The following RBM28 variants were observed in gnomAD, a reference collection of about 807,000 sequenced individuals.
RBM28 encodes the protein RNA binding motif protein 28.
In RBM28, 78 loss-of-function variants were observed where a neutral mutation model predicts 98.3. The ratio of observed to expected loss-of-function variants is 0.79; its 90% CI spans 0.66 to 0.96. The LOEUF (loss-of-function observed/expected upper bound fraction) is 0.96. RBM28 is among the 40% of genes least tolerant of loss of function. The probability of loss-of-function intolerance (pLI) is 0.00; values close to 1 mark genes in which losing one functional copy is unlikely to be tolerated. For missense variants in RBM28, 838 were observed against 913.0 expected (o/e 0.92, Z 1.06); for synonymous variants, 306 against 330.9 (o/e 0.92, Z 0.82).
chr7:128,330,004 T>C (rs1201460518), intron 10 of RBM28, among the ~76,000 whole-genome samples: 1 of 150,366 alleles, frequency 6.7e-6, no homozygotes, highest in African/African-American at 2.4e-5. Context: ...AACAGTATAC[T>C]AGAACGAAGA....
chr7:128,338,689 C>A, intron 4 of RBM28, 37 bp downstream of exon 4: 2 of 1,400,966 alleles, frequency 1.4e-6, no homozygotes, highest in Non-Finnish European at 2.0e-6. Flanking sequence ...AATATGTTAA[C>A]TAACGTAATC....
chr7:128,339,422 A>G, intron 2 of RBM28, 101 bp from the exon 3 acceptor site: 1 of 1,198,268 alleles, frequency 8.3e-7, no homozygotes, highest in South Asian at 1.3e-5. Flanking sequence ...GGCATTTACC[A>G]CAGGGTTAAG....
chr7:128,332,451 T>G (rs1392523043), intron 9 of RBM28, among the ~76,000 whole-genome samples: 1 of 152,064 alleles, frequency 6.6e-6, no homozygotes, highest in Non-Finnish European at 1.5e-5. Context: ...CCTCTGCGTT[T>G]TAAGTGATTC....
chr7:128,329,554 G>A (rs1359763855), intron 10 of RBM28, among the ~76,000 whole-genome samples: 1 of 152,130 alleles, frequency 6.6e-6, no homozygotes, highest in African/African-American at 2.4e-5. Flanking sequence ...CTAAGGAGAG[G>A]ATTCACAGCT....
rs1796076765 is a variant in RBM28 at position 128,314,999 on chromosome 7, C to G, written c.1810G>C (p.Ala604Pro). The G allele has an allele frequency of 2.5e-6, 4 of 1,614,106 alleles. No homozygotes were observed. In the Admixed American group the frequency reaches 6.7e-5, roughly 27 times the overall value. Reference protein sequence around the residue: ...RSLQKMRSKPATGEPQKGQPE... With the variant: ...RSLQKMRSKPPTGEPQKGQPE... ...TGCCCCTTCTGAGGCTCACCAGTTG[C>G]AGGCTTGGATCTCATTTTTTGCTGC... The change falls in exon 17 of 19, where the codon GCA becomes CCA. Residue 604 changes from alanine (A) to proline (P), a missense_variant. By Grantham distance (27) the Ala-to-Pro change is conservative. Coordinates refer to ENST00000223073, the MANE Select transcript of RBM28 (RefSeq NM_018077.3).
At chr7:128,338,908 T>C (rs1390998344) in intron 3 of RBM28, 107 bp from the exon 4 acceptor site, 1 of 892,650 alleles carries the variant, frequency 1.1e-6, no homozygotes, top group African/African-American at 1.7e-5. Context: ...ATGTTTACTT[T>C]TTTTTATTTT....
At chr7:128,316,143 G>C (rs540412330) in intron 16 of RBM28, among the ~76,000 whole-genome samples, 4 of 152,256 alleles carry the variant, frequency 2.6e-5, no homozygotes, top group Middle Eastern at 3.4e-3. Flanking sequence ...TCTGTTTCCA[G>C]GATACAAAAA....
chr7:128,336,184 GAAAGTAT>G lies in RBM28; in HGVS notation c.614-149_614-143del, dbSNP rs975564902. Reference sequence around the variant, plus strand: ...ATTTTTCTTACTGCATATAACAGGAGAAAGTATAAAGAAAAGAAAAAGCAAAAACAGA... The same window carrying G: ...ATTTTTCTTACTGCATATAACAGGAGAAAGAAAAGAAAAAGCAAAAACAGA... On this transcript the variant is annotated intron_variant, in intron 6 of 18. Transcript: ENST00000223073. 6.6e-5 allele frequency: 51 copies of G among 777,972 alleles called. No homozygotes were observed. In the Middle Eastern group the frequency reaches 7.6e-4, roughly 12 times the overall value. The allele number at this position is 777,972 out of a possible 1,614,324, so 48.2% of individuals were successfully genotyped here.
chr7:128,337,149 G>C lies in RBM28; in HGVS notation c.595C>G (p.Gln199Glu). The C allele has an allele frequency of 6.2e-7, 1 of 1,614,086 alleles. No homozygotes were observed. The highest frequency in any genetic ancestry group is 8.5e-7 in the Non-Finnish European group (1 of 1,179,980). Reference protein sequence around the residue: ...AVAKDKYKDTQSVSAIGEEKS... With the variant: ...AVAKDKYKDTESVSAIGEEKS... ...ATCTTACCTATAGCAGAAACAGACT[G>C]TGTATCTTTATATTTATCCTTTGCC... The change falls in exon 6 of 19, where the codon CAG becomes GAG. Residue 199 changes from glutamine (Q) to glutamate (E), a missense_variant. Physicochemically the swap from Gln to Glu is conservative, Grantham distance 29. Transcript: ENST00000223073.
At chr7:128,329,888 CAAAAA>C (rs398006204) in intron 10 of RBM28, among the ~76,000 whole-genome samples, 2 of 101,618 alleles carry the variant, frequency 2.0e-5, no homozygotes, top group African/African-American at 4.2e-5. Context: ...GACTCCGTCT[CAAAAA>C]AAAAAAAAAA....
intron 5 of RBM28, among the ~76,000 whole-genome samples, chr7:128,337,955 C>A (rs1796638158): frequency 6.6e-6 from 1 of 152,044 alleles, no homozygotes; most frequent in Non-Finnish European, 1.5e-5. Context: ...AGTGATATAA[C>A]CAAGGAGGAA....
Position 128,325,867 on chromosome 7 carries a change from G to C in RBM28, c.1154C>G (p.Thr385Ser). Residue 385 changes from threonine to serine, a missense_variant, in exon 11 of 19, where the codon ACT becomes AGT. By Grantham distance (58) the Thr-to-Ser change is moderately conservative (BLOSUM62 1). Coordinates refer to ENST00000223073, the MANE Select transcript of RBM28 (RefSeq NM_018077.3). The stretch of plus-strand genomic sequence containing the variant: ...AAGGCATTTCTGAGCTGCTTCTTGA[G>C]TCATGAACTGGGCAAATGCACAACC... ...SKGCAFAQFM[T>S]QEAAQKCLLA... 6.2e-7 allele frequency: 1 copy of C among 1,613,706 alleles called. No homozygotes were observed. The highest frequency in any genetic ancestry group is 8.5e-7 in the Non-Finnish European group (1 of 1,179,904).
rs570050666 is a variant in RBM28, at chr7:128,337,661, G to C, written c.542-459C>G. On this transcript the variant is annotated intron_variant, in intron 5 of 18. Coordinates refer to ENST00000223073, the MANE Select transcript of RBM28 (RefSeq NM_018077.3). ...GCAACCTCCGCCTCCAGGTTCAAGCGATTCTCCTGCCTCAGCCTCTTGAGT... is the reference window on the plus strand; with the variant it reads ...GCAACCTCCGCCTCCAGGTTCAAGCCATTCTCCTGCCTCAGCCTCTTGAGT... 2.4e-4 allele frequency among the ~76,000 whole-genome samples: 36 copies of C among 149,630 alleles called. No homozygotes were observed. In the Admixed American group the frequency reaches 2.4e-3, roughly 10 times the overall value.
rs1372004551 is a variant in RBM28 at position 128,298,065 on chromosome 7, A to C, written c.*12732T>G. Reference sequence around the variant, plus strand: ...TGACGAGTTAGTGGGTGCAGCGACCAGCATGTCACATGTATACATATGTAA... The same window carrying C: ...TGACGAGTTAGTGGGTGCAGCGACCCGCATGTCACATGTATACATATGTAA... On this transcript the variant is annotated 3_prime_UTR_variant, in exon 19 of 19. Transcript: ENST00000223073. 16 of 142,574 alleles carry C rather than the reference A, an allele frequency of 1.1e-4. 1 individual carries two copies. The highest frequency in any genetic ancestry group is 1.1e-3 in the Admixed American group (15 of 14,112). 8.8% of individuals were successfully genotyped at this position (142,574 alleles called of 1,614,324 possible). A position where few individuals can be genotyped will look rare whatever the true frequency, so the allele number is the denominator to read the frequency against.
intron 12 of RBM28, 96 bp from the exon 13 acceptor site, chr7:128,323,687 G>T: frequency 7.2e-7 from 1 of 1,397,830 alleles, no homozygotes; most frequent in Non-Finnish European, 1.0e-6. Flanking sequence ...TCTTTGTACA[G>T]GGCCCAGAGG....
At chr7:128,313,351 C>G (rs906701573) in intron 17 of RBM28, 77 bp from the exon 18 acceptor site, 14 of 1,336,744 alleles carry the variant, frequency 1.0e-5, no homozygotes, top group Non-Finnish European at 1.5e-5. Context: ...GTACACTGGC[C>G]CTTCCCAAGC....
At chr7:128,336,554 C>T (rs1796604154) in intron 6 of RBM28, among the ~76,000 whole-genome samples, 1 of 152,210 alleles carries the variant, frequency 6.6e-6, no homozygotes, top group Admixed American at 6.5e-5. Flanking sequence ...AACTCAGGCT[C>T]ACTCACAGCC....
At chr7:128,316,328 T>C (rs1796106776) in intron 16 of RBM28, among the ~76,000 whole-genome samples, 1 of 152,252 alleles carries the variant, frequency 6.6e-6, no homozygotes, top group Non-Finnish European at 1.5e-5. Context: ...TCATTTGATC[T>C]GCATATGCAA....
At chr7:128,330,221 C>G (rs1354734359) in intron 10 of RBM28, among the ~76,000 whole-genome samples, 1 of 151,934 alleles carries the variant, frequency 6.6e-6, no homozygotes, top group Non-Finnish European at 1.5e-5. Flanking sequence ...CTATGAGATA[C>G]TATCACATTT....
Sources: gnomAD v4.1 joint callset for allele counts (sites outside exome capture counted in the v4.1 genomes callset) on GRCh38, gnomAD v4.1.1 for gene constraint, MANE v1.5 for transcripts, NCBI Gene and HGNC (gene_info 2026-07-23, HGNC 2026-07-21) for gene names.